Variants in ATXN7 observed in about 807,000 individuals in gnomAD.
The protein encoded by ATXN7 is ataxin 7.
A neutral mutation model predicts 70.5 loss-of-function variants in ATXN7; 12 were observed. The observed-to-expected ratio is 0.17, with a 90% confidence interval of 0.11 to 0.28. ATXN7 has a LOEUF of 0.28. Among genes scored for constraint, ATXN7 ranks in the 10% least tolerant of loss-of-function variants. The probability of loss-of-function intolerance (pLI) is 1.00; values close to 1 mark genes in which losing one functional copy is unlikely to be tolerated. For synonymous variants in ATXN7, 498 were observed against 448.7 expected (o/e 1.11, Z -1.39); for missense variants, 1,256 against 1,131.7 (o/e 1.11, Z -1.58).
At chr3:63,899,977 A>T (rs895055607) in intron 2 of ATXN7, among the ~76,000 whole-genome samples, 1 of 152,166 alleles carries the variant, frequency 6.6e-6, no homozygotes, top group South Asian at 2.1e-4. Context: ...CCAGCTACTC[A>T]GGAGGCTGCA....
At chr3:63,997,251 CA>C (rs888456378) in intron 12 of ATXN7, among the ~76,000 whole-genome samples, 7 of 146,782 alleles carry the variant, frequency 4.8e-5, no homozygotes, top group African/African-American at 1.8e-4. Flanking sequence ...GACTATGTCT[CA>C]AAAAAAAAAG....
intron 5 of ATXN7, among the ~76,000 whole-genome samples, chr3:63,973,039 C>G (rs550232855): frequency 6.2e-4 from 94 of 152,212 alleles, no homozygotes; most frequent in African/African-American, 2.1e-3. Context: ...AACTCTTGAT[C>G]GTTTAATCCA....
intron 4 of ATXN7, among the ~76,000 whole-genome samples, chr3:63,949,866 T>G (rs1390944620): frequency 6.6e-6 from 1 of 152,202 alleles, no homozygotes; most frequent in East Asian, 1.9e-4. Context: ...TTATGCCGCT[T>G]TCTTGCTGAG....
intron 5 of ATXN7, among the ~76,000 whole-genome samples, chr3:63,975,654 G>A (rs1477261098): frequency 6.6e-6 from 1 of 152,176 alleles, no homozygotes; most frequent in South Asian, 2.1e-4. Flanking sequence ...GTACCTGGAT[G>A]TTAATACTTA....
intron 8 of ATXN7, among the ~76,000 whole-genome samples, chr3:63,985,599 G>C (rs2075564263): frequency 6.6e-6 from 1 of 152,186 alleles, no homozygotes; most frequent in Non-Finnish European, 1.5e-5. Flanking sequence ...TTCTGTCTTA[G>C]ACTTAGAACG....
rs555620503 is a variant in ATXN7, at chr3:63,933,132, G to C, written c.395-19247G>C. ...GTAATGTCAAAGTGCCCTCCAAAAA[G>C]GCTCTACTAGTTTCAGGTGTCAGAG... On this transcript the variant is annotated intron_variant, in intron 4 of 12. Coordinates refer to ENST00000674280, the MANE Select transcript of ATXN7 (RefSeq NM_001377405.1). 3.3e-5 allele frequency among the ~76,000 whole-genome samples: 5 copies of C among 152,234 alleles called. No individual in the cohort carries two copies. The East Asian group carries it at 9.7e-4, about 29-fold the overall frequency.
chr3:64,003,205 C>CTTTTTTTTTT lies in ATXN7; in HGVS notation c.*3753_*3762dup, dbSNP rs754267860. The CTTTTTTTTTT allele has an allele frequency of 4.0e-5, 3 of 75,534 alleles. No individual in the cohort carries two copies. The highest frequency in any genetic ancestry group is 7.4e-5 in the Non-Finnish European group (3 of 40,438). The allele number at this position is 75,534 out of a possible 1,614,324, so 4.7% of individuals were successfully genotyped here. On this transcript the variant is annotated 3_prime_UTR_variant, in exon 13 of 13. Coordinates refer to ENST00000674280, the MANE Select transcript of ATXN7 (RefSeq NM_001377405.1). ...AATGTAGGGCCTTGAAAGCATTTTGCTTTTTTTTTTTTTTTTTTTTTTTTG... is the reference window on the plus strand; with the variant it reads ...AATGTAGGGCCTTGAAAGCATTTTGCTTTTTTTTTTTTTTTTTTTTTTTTTTTTTTTTTTG...
At chr3:63,965,724 A>G (rs1397901729) in intron 5 of ATXN7, among the ~76,000 whole-genome samples, 2 of 152,172 alleles carry the variant, frequency 1.3e-5, no homozygotes, top group Admixed American at 6.5e-5. Flanking sequence ...ATATCGAGAA[A>G]CGGTTTGAAG....
intron 5 of ATXN7, chr3:63,968,523 G>A (rs549421584): frequency 2.6e-5 from 4 of 152,384 alleles, no homozygotes; most frequent in Admixed American, 2.6e-4. Context: ...TTTGAAAGCT[G>A]TTTTGTCAGA....
chr3:63,999,681 G>GT lies in ATXN7; in HGVS notation c.*216dup, dbSNP rs1385554179. 7 of 813,954 alleles carry GT rather than the reference G, an allele frequency of 8.6e-6. No individual in the cohort carries two copies. Among genetic ancestry groups the GT allele is most frequent in the Middle Eastern group, 2.9e-4 (1 of 3,482 alleles). The allele number at this position is 813,954 out of a possible 1,614,324, so 50.4% of individuals were successfully genotyped here. ...GTACTCATAAAGGACACTGGATCAA[G>GT]TTCAGCCACCGAATTGCTTTTATCA... On this transcript the variant is annotated 3_prime_UTR_variant, in exon 13 of 13. Coordinates refer to ENST00000674280, the MANE Select transcript of ATXN7 (RefSeq NM_001377405.1).
intron 5 of ATXN7, among the ~76,000 whole-genome samples, chr3:63,963,032 C>T (rs72885715): frequency 0.017 from 2,581 of 151,752 alleles, 86 homozygotes; most frequent in African/African-American, 0.058. Flanking sequence ...CCTTCCACCT[C>T]AGCCCTTCCA....
chr3:63,915,644 C>G (rs891907386), intron 4 of ATXN7, among the ~76,000 whole-genome samples: 4 of 151,570 alleles, frequency 2.6e-5, no homozygotes. Flanking sequence ...ATAAATTGAT[C>G]ATGTGAGTGA....
intron 5 of ATXN7, among the ~76,000 whole-genome samples, chr3:63,967,155 T>TA (rs2075238917): frequency 6.6e-6 from 1 of 152,076 alleles, no homozygotes; most frequent in Non-Finnish European, 1.5e-5. Context: ...GGGAGTGTGA[T>TA]AGGGATGATA....
At chr3:63,908,879 A>AT (rs1463463471) in intron 2 of ATXN7, among the ~76,000 whole-genome samples, 1 of 152,218 alleles carries the variant, frequency 6.6e-6, no homozygotes, top group Non-Finnish European at 1.5e-5. Flanking sequence ...ATAAGACCAC[A>AT]TTTTAAATAT....
At chr3:63,909,041 T>A (rs578256534) in intron 2 of ATXN7, among the ~76,000 whole-genome samples, 2 of 152,212 alleles carry the variant, frequency 1.3e-5, no homozygotes, top group Admixed American at 1.3e-4. Context: ...GAAATTACTA[T>A]CTTGTGTTCA....
At position 64,002,055 on chromosome 3, in the gene ATXN7, A is replaced by C. The variant is rs570626308; in HGVS notation, c.*2588A>C. 6.6e-6 allele frequency: 1 copy of C among 152,190 alleles called. No individual in the cohort carries two copies. Among genetic ancestry groups the C allele is most frequent in the Non-Finnish European group, 1.5e-5 (1 of 67,918 alleles). 9.4% of individuals were successfully genotyped at this position (152,190 alleles called of 1,614,324 possible). A position where few individuals can be genotyped will look rare whatever the true frequency, so the allele number is the denominator to read the frequency against. ...ATGAACAAAGAATTATACAAAACCT[A>C]CTTTTGTATCTTTATTTTGGAATTT... On this transcript the variant is annotated 3_prime_UTR_variant, in exon 13 of 13. Coordinates refer to ENST00000674280, the MANE Select transcript of ATXN7 (RefSeq NM_001377405.1).
At chr3:63,877,782 A>G (rs943694878) in intron 1 of ATXN7, among the ~76,000 whole-genome samples, 4 of 152,230 alleles carry the variant, frequency 2.6e-5, no homozygotes, top group Non-Finnish European at 5.9e-5. Flanking sequence ...AGTATCCTTC[A>G]GATTACTTGC....
intron 1 of ATXN7, among the ~76,000 whole-genome samples, chr3:63,886,497 A>G (rs146031986): frequency 4.6e-4 from 70 of 152,308 alleles, no homozygotes; most frequent in African/African-American, 1.6e-3. Flanking sequence ...ACACTGTACA[A>G]TTTTGTCACT....
chr3:63,882,067 A>C (rs989526961), intron 1 of ATXN7, among the ~76,000 whole-genome samples: 3 of 152,198 alleles, frequency 2.0e-5, no homozygotes, highest in Non-Finnish European at 2.9e-5. Context: ...TGCTGCACCC[A>C]GTGTGACAGT....
Sources: gnomAD v4.1 joint callset for allele counts (sites outside exome capture counted in the v4.1 genomes callset) on GRCh38, gnomAD v4.1.1 for gene constraint, MANE v1.5 for transcripts, NCBI Gene and HGNC (gene_info 2026-07-23, HGNC 2026-07-21) for gene names.